The following KCNQ1OT1 variants were observed in gnomAD, a reference collection of about 807,000 sequenced individuals.
The protein encoded by KCNQ1OT1 is KCNQ1 opposite strand/antisense transcript 1.
At chr11:2,629,436 T>A (rs2133814171) in exon 1 of KCNQ1OT1, 1 of 398,540 alleles carries the variant, frequency 2.5e-6, no homozygotes, top group African/African-American at 2.1e-5. Flanking sequence ...TGCCCCATGT[T>A]TTCTTCTAAG....
At chr11:2,633,888 T>C in exon 1 of KCNQ1OT1, 1 of 398,628 alleles carries the variant, frequency 2.5e-6, no homozygotes, top group Non-Finnish European at 4.4e-6. Flanking sequence ...TCTGTATACA[T>C]AGTTTTCACT....
In KCNQ1OT1 at chr11:2,642,749, A is replaced by G. The variant is rs1458100106; in HGVS notation, n.57246T>C. ...TTGCTTTTCTGGTTCCTTCAGGTGTATCATTAGATTATTTAAGATCTTTTC... is the reference window on the plus strand; with the variant it reads ...TTGCTTTTCTGGTTCCTTCAGGTGTGTCATTAGATTATTTAAGATCTTTTC... On this transcript the variant is annotated non_coding_transcript_exon_variant, in exon 1 of 1. Coordinates refer to ENST00000597346, the Ensembl canonical transcript of KCNQ1OT1. This position sits in a 1 kb window ranked among gnomAD's most constrained non-coding sequence, Gnocchi z 4.3. 2 of 397,536 alleles carry G rather than the reference A, an allele frequency of 5.0e-6. No individual in the cohort carries two copies. Among genetic ancestry groups the G allele is most frequent in the East Asian group, 7.2e-5 (2 of 27,922 alleles). The allele number at this position is 397,536 out of a possible 1,614,324, so 24.6% of individuals were successfully genotyped here.
chr11:2,674,983 T>C lies in KCNQ1OT1; in HGVS notation n.25012A>G, dbSNP rs1850267150. The C allele has an allele frequency of 2.5e-6, 1 of 398,428 alleles. No homozygotes were observed. Among genetic ancestry groups the C allele is most frequent in the African/African-American group, 2.1e-5 (1 of 48,628 alleles). 24.7% of individuals were successfully genotyped at this position (398,428 alleles called of 1,614,324 possible). A position where few individuals can be genotyped will look rare whatever the true frequency, so the allele number is the denominator to read the frequency against. On this transcript the variant is annotated non_coding_transcript_exon_variant, in exon 1 of 1. Transcript: ENST00000597346. This position sits in a 1 kb window ranked among gnomAD's most constrained non-coding sequence, Gnocchi z 5.9. ...TGTTTCTCTTCGTTTCCTCTTACAG[T>C]GGCGGGCACTCAGCCGGCTTCTTCC...
At position 2,608,961 on chromosome 11, in the gene KCNQ1OT1, GGTTT is replaced by G. The variant is rs1848929522; in HGVS notation, n.91030_91033del. On this transcript the variant is annotated non_coding_transcript_exon_variant, in exon 1 of 1. Coordinates refer to ENST00000597346, the Ensembl canonical transcript of KCNQ1OT1. This position sits in a 1 kb window ranked among gnomAD's most constrained non-coding sequence, Gnocchi z 4.6. Reference sequence around the variant, plus strand: ...CCCTCTCTCTTACCAATCTATCAAAGGTTTGTTAATTTCAAAGAACCAAATTTTG... The same window carrying G: ...CCCTCTCTCTTACCAATCTATCAAAGGTTAATTTCAAAGAACCAAATTTTG... 1 of 396,250 alleles carries G rather than the reference GGTTT, an allele frequency of 2.5e-6. No individual in the cohort carries two copies. The highest frequency in any genetic ancestry group is 4.4e-6 in the Non-Finnish European group (1 of 225,564). 24.5% of individuals were successfully genotyped at this position (396,250 alleles called of 1,614,324 possible).
exon 1 of KCNQ1OT1, chr11:2,616,377 T>TA: frequency 2.5e-6 from 1 of 398,022 alleles, no homozygotes; most frequent in Non-Finnish European, 4.4e-6. Context: ...GTTGTTTATT[T>TA]AAGCTCGAAT....
At chr11:2,635,420 A>T (rs1280787413) in exon 1 of KCNQ1OT1, 1 of 151,966 alleles carries the variant, frequency 6.6e-6, no homozygotes, top group Non-Finnish European at 1.5e-5. Context: ...TTTTCCCAGC[A>T]CCATTTATTA....
chr11:2,665,421 C>T, exon 1 of KCNQ1OT1: 1 of 397,784 alleles, frequency 2.5e-6, no homozygotes. Flanking sequence ...GATTCTGACC[C>T]ACTCACTATC....
At chr11:2,609,746 G>T (rs1406095726) in exon 1 of KCNQ1OT1, 2 of 398,206 alleles carry the variant, frequency 5.0e-6, no homozygotes, top group Non-Finnish European at 8.9e-6. Flanking sequence ...ATCTTCTCAT[G>T]AATTGACATT....
chr11:2,615,998 C>A (rs539833081), exon 1 of KCNQ1OT1: 160 of 397,958 alleles, frequency 4.0e-4, no homozygotes, highest in Non-Finnish European at 6.5e-4. Context: ...GCATTTTCTT[C>A]ATTGGAAGGT....
In KCNQ1OT1 at chr11:2,617,505, A is replaced by G. The variant is rs1308095320; in HGVS notation, n.82490T>C. On this transcript the variant is annotated non_coding_transcript_exon_variant, in exon 1 of 1. Transcript: ENST00000597346. The surrounding 1 kb of genome is among the most constrained non-coding windows in gnomAD (Gnocchi z 4.6). ...AGTTTTCATATCGTGACTCATGCATATAATGCCACAATGAATATAGGAGCG... is the reference window on the plus strand; with the variant it reads ...AGTTTTCATATCGTGACTCATGCATGTAATGCCACAATGAATATAGGAGCG... 4 of 398,374 alleles carry G rather than the reference A, an allele frequency of 1.0e-5. No individual in the cohort carries two copies. The highest frequency in any genetic ancestry group is 4.4e-5 in the Admixed American group (1 of 22,702). 24.7% of individuals were successfully genotyped at this position (398,374 alleles called of 1,614,324 possible).
exon 1 of KCNQ1OT1, chr11:2,675,935 C>G (rs1475587310): frequency 1.3e-5 from 5 of 398,594 alleles, no homozygotes; most frequent in Non-Finnish European, 2.2e-5. Context: ...TCTTTACACA[C>G]ATGGTAAAAC....
Position 2,663,714 on chromosome 11 carries a change from G to A in KCNQ1OT1, n.36281C>T, listed in dbSNP as rs1016200064. ...CAGGCCTTACCAACTCTTGGGTCTT[G>A]CAAGGCCCCTGCAGGTGAAGGTGGT... On this transcript the variant is annotated non_coding_transcript_exon_variant, in exon 1 of 1. Coordinates refer to ENST00000597346, the Ensembl canonical transcript of KCNQ1OT1. The surrounding 1 kb of genome is among the most constrained non-coding windows in gnomAD (Gnocchi z 5.2). 2 of 398,622 alleles carry A rather than the reference G, an allele frequency of 5.0e-6. No individual in the cohort carries two copies. The highest frequency in any genetic ancestry group is 1.3e-4 in the South Asian group (1 of 7,860). The allele number at this position is 398,622 out of a possible 1,614,324, so 24.7% of individuals were successfully genotyped here.
chr11:2,616,549 T>G, exon 1 of KCNQ1OT1: 2 of 398,124 alleles, frequency 5.0e-6, no homozygotes, highest in Non-Finnish European at 8.9e-6. Context: ...TCTGAGCACT[T>G]CTTTCACTAC....
rs1470941395 is a variant in KCNQ1OT1, at chr11:2,621,338, T to C, written n.78657A>G. The C allele has an allele frequency of 1.0e-5, 4 of 398,644 alleles. No homozygotes were observed. The East Asian group carries it at 1.4e-4, about 14-fold the overall frequency. 24.7% of individuals were successfully genotyped at this position (398,644 alleles called of 1,614,324 possible). A position where few individuals can be genotyped will look rare whatever the true frequency, so the allele number is the denominator to read the frequency against. ...GAATGTTTTTTTGTTTGGCTACTTC[T>C]GTATTTTCTTTTAAGAAATGTATGT... On this transcript the variant is annotated non_coding_transcript_exon_variant, in exon 1 of 1. Transcript: ENST00000597346. The surrounding 1 kb of genome is among the most constrained non-coding windows in gnomAD (Gnocchi z 5.7).
chr11:2,610,930 C>G (rs1315649650), exon 1 of KCNQ1OT1: 1 of 398,148 alleles, frequency 2.5e-6, no homozygotes, highest in Non-Finnish European at 4.4e-6. Flanking sequence ...CAATAACTCA[C>G]TCTGAATAAT....
chr11:2,666,742 C>T (rs1435724586), exon 1 of KCNQ1OT1: 6 of 398,670 alleles, frequency 1.5e-5, no homozygotes, highest in Non-Finnish European at 2.2e-5. Flanking sequence ...CCCAGGGTAC[C>T]AGGCACTGCA....
exon 1 of KCNQ1OT1, chr11:2,631,140 G>A (rs1274881267): frequency 2.5e-6 from 1 of 398,516 alleles, no homozygotes; most frequent in East Asian, 3.6e-5. Flanking sequence ...CCCCAGATAT[G>A]GGAAGTTTTC....
rs12418076 is a variant in KCNQ1OT1 at position 2,667,870 on chromosome 11, T to C, written n.32125A>G. ...GGTAATGTGCATGCACACAGATTAG[T>C]ACACAGGTCTCAAGTGCGCAGCTTG... is the stretch of plus-strand genomic sequence containing the variant. On this transcript the variant is annotated non_coding_transcript_exon_variant, in exon 1 of 1. Transcript: ENST00000597346. 0.081 allele frequency: 32,390 copies of C among 398,562 alleles called. 1,530 individuals carry two copies. The highest frequency in any genetic ancestry group is 0.12 in the Middle Eastern group (195 of 1,586). The allele number at this position is 398,562 out of a possible 1,614,324, so 24.7% of individuals were successfully genotyped here. A position where few individuals can be genotyped will look rare whatever the true frequency, so the allele number is the denominator to read the frequency against.
chr11:2,692,105 C>T, exon 1 of KCNQ1OT1: 1 of 398,746 alleles, frequency 2.5e-6, no homozygotes, highest in Non-Finnish European at 4.4e-6. Flanking sequence ...CTCTCCACAG[C>T]CTCCATCATT....
Sources: allele counts gnomAD v4.1 joint callset, GRCh38; gene constraint gnomAD v4.1.1; non-coding constraint Gnocchi (gnomAD v3.1); transcripts MANE v1.5; gene names NCBI Gene and HGNC (gene_info 2026-07-23, HGNC 2026-07-21).